DPP10: variants seen among roughly 807,000 people sequenced by gnomAD.
The protein encoded by DPP10 is inactive dipeptidyl peptidase 10.
Under a neutral mutation model 120.9 loss-of-function variants are expected in DPP10, and 33 were observed. The ratio of observed to expected loss-of-function variants is 0.27; its 90% confidence interval spans 0.21 to 0.37. The LOEUF (loss-of-function observed/expected upper bound fraction) is 0.37, where lower values mean the gene tolerates loss of function less well. Ranked by LOEUF, DPP10 falls within the 10% of genes least tolerant of loss-of-function variation. The pLI is 1.00. For synonymous variants in DPP10, 337 were observed against 326.1 expected (o/e 1.03, Z -0.36); for missense variants, 816 against 942.8 (o/e 0.87, Z 1.76).
chr2:115,089,409 A>G (rs1182705863), intron 1 of DPP10, among the ~76,000 whole-genome samples: 1 of 152,194 alleles, frequency 6.6e-6, no homozygotes, highest in Non-Finnish European at 1.5e-5. Context: ...AGACTAGATG[A>G]GCAGTAATTG....
chr2:115,315,117 C>T (rs931799793), intron 2 of DPP10, among the ~76,000 whole-genome samples: 4 of 151,922 alleles, frequency 2.6e-5, no homozygotes, highest in Middle Eastern at 3.2e-3. Context: ...GGATTCATCT[C>T]CTAGCCTTAC....
intron 1 of DPP10, among the ~76,000 whole-genome samples, chr2:115,293,252 T>C (rs1315699745): frequency 1.3e-5 from 2 of 152,122 alleles, no homozygotes; most frequent in Admixed American, 1.3e-4. Context: ...CATCCAGAAG[T>C]TGCTGAGTGA....
chr2:115,232,217 C>T (rs187196160), intron 1 of DPP10, among the ~76,000 whole-genome samples: 10 of 152,150 alleles, frequency 6.6e-5, no homozygotes, highest in Non-Finnish European at 1.0e-4. Context: ...GACTGAACTC[C>T]GGCCCTTTAA....
chr2:114,668,520 T>C (rs1698098946), intron 1 of DPP10, among the ~76,000 whole-genome samples: 1 of 152,154 alleles, frequency 6.6e-6, no homozygotes, highest in South Asian at 2.1e-4. Flanking sequence ...AGAAATATTA[T>C]CTTACCAGCT....
chr2:115,079,248 C>G (rs150006713), intron 1 of DPP10, among the ~76,000 whole-genome samples: 2 of 152,022 alleles, frequency 1.3e-5, no homozygotes, highest in African/African-American at 4.8e-5. Context: ...GACGTGGTGG[C>G]GGGCACCTGT....
chr2:114,854,831 T>C (rs555244256), intron 1 of DPP10, among the ~76,000 whole-genome samples: 2 of 152,320 alleles, frequency 1.3e-5, no homozygotes, highest in African/African-American at 2.4e-5. Context: ...TTATTTAATT[T>C]GAGAAGGTGG....
intron 1 of DPP10, among the ~76,000 whole-genome samples, chr2:115,160,756 A>T (rs1225187596): frequency 1.3e-5 from 2 of 152,136 alleles, no homozygotes. Flanking sequence ...ATCCGCGGTA[A>T]TTCAACTTCC....
At chr2:115,423,521 T>G (rs843380) in intron 3 of DPP10, among the ~76,000 whole-genome samples, 1 of 152,126 alleles carries the variant, frequency 6.6e-6, no homozygotes, top group African/African-American at 2.4e-5. Flanking sequence ...GCTGTTTCTG[T>G]CTGTGGAAAA....
intron 1 of DPP10, among the ~76,000 whole-genome samples, chr2:114,768,553 G>A (rs1375367716): frequency 2.6e-5 from 4 of 152,140 alleles, no homozygotes; most frequent in Non-Finnish European, 5.9e-5. Context: ...TTAAGGGCTC[G>A]TGTTATTAGA....
chr2:114,953,764 C>T (rs760942329), intron 1 of DPP10, among the ~76,000 whole-genome samples: 3 of 151,678 alleles, frequency 2.0e-5, no homozygotes, highest in African/African-American at 4.8e-5. Flanking sequence ...TTAATGGTAC[C>T]GTATTATGAA....
At chr2:115,738,840 A>G (rs890469796) in intron 8 of DPP10, among the ~76,000 whole-genome samples, 41 of 152,218 alleles carry the variant, frequency 2.7e-4, no homozygotes, top group Non-Finnish European at 5.7e-4. Context: ...GGCACATTCA[A>G]CAAGATGCTT....
intron 3 of DPP10, among the ~76,000 whole-genome samples, chr2:115,379,792 G>A (rs2066149275): frequency 6.6e-6 from 1 of 152,162 alleles, no homozygotes; most frequent in Middle Eastern, 3.4e-3. Context: ...CTTTATTTCT[G>A]CCTTCATTTC....
At chr2:115,578,681 A>T (rs1015464815) in intron 5 of DPP10, among the ~76,000 whole-genome samples, 2 of 152,210 alleles carry the variant, frequency 1.3e-5, no homozygotes, top group Admixed American at 6.5e-5. Context: ...ATCATTACAG[A>T]AGCATGTTTT....
At chr2:114,942,432 A>T (rs1442492053) in intron 1 of DPP10, among the ~76,000 whole-genome samples, 1 of 141,252 alleles carries the variant, frequency 7.1e-6, no homozygotes, top group Non-Finnish European at 1.5e-5. Context: ...TGATATCTTG[A>T]TATCTGTATC....
intron 10 of DPP10, 68 bp downstream of exon 10, chr2:115,746,251 A>G (rs968312740): frequency 3.7e-6 from 5 of 1,335,686 alleles, no homozygotes; most frequent in Non-Finnish European, 5.3e-6. Context: ...TTTTGTTGCA[A>G]TTTAGAGAGA....
At chr2:115,018,007 A>AT (rs916696224) in intron 1 of DPP10, among the ~76,000 whole-genome samples, 53 of 144,910 alleles carry the variant, frequency 3.7e-4, no homozygotes, top group African/African-American at 5.6e-4. Flanking sequence ...TATAATAATA[A>AT]AAAAAAAAAG....
chr2:115,240,369 T>C (rs2058216368), intron 1 of DPP10, among the ~76,000 whole-genome samples: 1 of 152,238 alleles, frequency 6.6e-6, no homozygotes, highest in Admixed American at 6.5e-5. Context: ...ATGAGCTTTT[T>C]TTCATATGTT....
chr2:115,068,589 A>C (rs1707117775), intron 1 of DPP10, among the ~76,000 whole-genome samples: 1 of 152,048 alleles, frequency 6.6e-6, no homozygotes, highest in African/African-American at 2.4e-5. Flanking sequence ...CCATTTGTCT[A>C]TTTTTGATTT....
chr2:115,236,042 C>T (rs959173829), intron 1 of DPP10, among the ~76,000 whole-genome samples: 1 of 152,134 alleles, frequency 6.6e-6, no homozygotes, highest in African/African-American at 2.4e-5. Context: ...AAGAAACAGA[C>T]AAGCAACCAA....
Sources: allele counts gnomAD v4.1 joint callset (sites outside exome capture counted in the v4.1 genomes callset), GRCh38; gene constraint gnomAD v4.1.1; transcripts MANE v1.5; gene names NCBI Gene and HGNC (gene_info 2026-07-23, HGNC 2026-07-21).